ARHGAP28: variants seen among roughly 807,000 people sequenced by gnomAD.
ARHGAP28 encodes the protein rho GTPase-activating protein 28.
In ARHGAP28, 56 loss-of-function variants were observed where a neutral mutation model predicts 90.7. That is an observed-to-expected ratio of 0.62 (90% CI 0.50 to 0.77). The LOEUF is 0.77. Among genes scored for constraint, ARHGAP28 ranks in the 30% least tolerant of loss-of-function variants. The probability of loss-of-function intolerance (pLI) is 0.00; values close to 1 mark genes in which losing one functional copy is unlikely to be tolerated. For synonymous variants in ARHGAP28, 308 were observed against 323.3 expected (o/e 0.95, Z 0.51); for missense variants, 869 against 900.9 (o/e 0.96, Z 0.45).
At chr18:6,808,282 C>T (rs2056533240) in intron 1 of ARHGAP28, among the ~76,000 whole-genome samples, 1 of 151,980 alleles carries the variant, frequency 6.6e-6, no homozygotes, top group South Asian at 2.1e-4. Flanking sequence ...TATGTATAGA[C>T]ATTTCATCAT....
chr18:6,878,096 C>A (rs147092554), intron 10 of ARHGAP28, among the ~76,000 whole-genome samples: 104 of 152,148 alleles, frequency 6.8e-4, no homozygotes, highest in African/African-American at 2.1e-3. Context: ...CATTACAGAG[C>A]ATTGTCCAAC....
intron 10 of ARHGAP28, among the ~76,000 whole-genome samples, chr18:6,877,738 CGT>C (rs1477443920): frequency 1.3e-5 from 2 of 152,102 alleles, no homozygotes; most frequent in African/African-American, 2.4e-5. Context: ...CTCCGTTTCT[CGT>C]GTGTTTCGTT....
intron 1 of ARHGAP28, among the ~76,000 whole-genome samples, chr18:6,760,419 A>G (rs1306974963): frequency 1.3e-5 from 2 of 152,208 alleles, no homozygotes; most frequent in East Asian, 1.9e-4. Flanking sequence ...CACCAAGTAC[A>G]TTGTAAAATT....
chr18:6,788,199 C>T (rs2056379904), intron 1 of ARHGAP28, among the ~76,000 whole-genome samples: 1 of 151,922 alleles, frequency 6.6e-6, no homozygotes, highest in Non-Finnish European at 1.5e-5. Flanking sequence ...TGAGTGAGTT[C>T]TCGGGAGATC....
intron 14 of ARHGAP28, among the ~76,000 whole-genome samples, chr18:6,892,924 C>T (rs1246168776): frequency 6.6e-6 from 1 of 152,208 alleles, no homozygotes; most frequent in Non-Finnish European, 1.5e-5. Flanking sequence ...TGCACAGAAC[C>T]TGAGGATCAG....
intron 1 of ARHGAP28, 69 bp from the exon 2 acceptor site, chr18:6,824,693 T>C: frequency 3.8e-6 from 5 of 1,314,038 alleles, no homozygotes; most frequent in Non-Finnish European, 5.1e-6. Context: ...CTTAATTAAA[T>C]TTAATTTTGT....
At chr18:6,794,621 A>G (rs1038300688) in intron 1 of ARHGAP28, among the ~76,000 whole-genome samples, 1 of 152,030 alleles carries the variant, frequency 6.6e-6, no homozygotes, top group Non-Finnish European at 1.5e-5. Flanking sequence ...TTTATTTCTG[A>G]TCTTGCCTTT....
chr18:6,817,699 G>A (rs2143727777), intron 1 of ARHGAP28, among the ~76,000 whole-genome samples: 1 of 152,254 alleles, frequency 6.6e-6, no homozygotes. Context: ...TGGGCAAGGT[G>A]GCTGCTGCAG....
intron 3 of ARHGAP28, among the ~76,000 whole-genome samples, chr18:6,847,378 G>A (rs1273432488): frequency 6.6e-6 from 1 of 151,960 alleles, no homozygotes; most frequent in African/African-American, 2.4e-5. Flanking sequence ...TTCCAAACTA[G>A]AGGAAAAATA....
At chr18:6,761,783 C>G (rs1389766237) in intron 1 of ARHGAP28, among the ~76,000 whole-genome samples, 1 of 152,182 alleles carries the variant, frequency 6.6e-6, no homozygotes, top group African/African-American at 2.4e-5. Flanking sequence ...GACTCAATTC[C>G]TCTTTTAGCT....
At chr18:6,767,705 G>A (rs551095806) in intron 1 of ARHGAP28, among the ~76,000 whole-genome samples, 37 of 152,182 alleles carry the variant, frequency 2.4e-4, no homozygotes, top group South Asian at 6.2e-4. Flanking sequence ...TCTTCTGTAT[G>A]TAATATGTCT....
At chr18:6,838,285 T>C (rs2056769500) in intron 3 of ARHGAP28, among the ~76,000 whole-genome samples, 1 of 152,220 alleles carries the variant, frequency 6.6e-6, no homozygotes, top group Non-Finnish European at 1.5e-5. Flanking sequence ...ATCATTCTGA[T>C]TTAGGTTTCT....
chr18:6,875,773 G>A (rs1175857538), intron 9 of ARHGAP28, among the ~76,000 whole-genome samples: 1 of 152,178 alleles, frequency 6.6e-6, no homozygotes, highest in Non-Finnish European at 1.5e-5. Context: ...AGTAGATTTA[G>A]AATCTCTTGT....
intron 1 of ARHGAP28, among the ~76,000 whole-genome samples, chr18:6,776,534 G>A (rs1043332424): frequency 3.4e-4 from 52 of 152,188 alleles, no homozygotes; most frequent in African/African-American, 1.2e-3. Flanking sequence ...CAAGTGATCT[G>A]CCTGCCTCTG....
rs528353166 is a variant in ARHGAP28 at position 6,746,041 on chromosome 18, C to T, written c.122+16098C>T. Among the ~76,000 whole-genome samples the T allele has an allele frequency of 1.0e-3, 159 of 152,282 alleles. No individual in the cohort carries two copies. The Middle Eastern group carries it at 0.014, about 13-fold the overall frequency. The stretch of plus-strand genomic sequence containing the variant: ...TGGGATGTAAGCAAGTTTATTTTTG[C>T]GCCTGATCAATTTACTTTGGCTTCC... On this transcript the variant is annotated intron_variant, in intron 1 of 17. Coordinates refer to ENST00000383472, the MANE Select transcript of ARHGAP28 (RefSeq NM_001366230.1).
chr18:6,806,473 T>C (rs1056255916), intron 1 of ARHGAP28, among the ~76,000 whole-genome samples: 36 of 152,178 alleles, frequency 2.4e-4, no homozygotes, highest in Admixed American at 7.9e-4. Context: ...GATTGAAATA[T>C]ATATATATGC....
intron 1 of ARHGAP28, among the ~76,000 whole-genome samples, chr18:6,783,281 CTT>C (rs1318605644): frequency 6.6e-6 from 1 of 150,862 alleles, no homozygotes; most frequent in Non-Finnish European, 1.5e-5. Context: ...AGTCCAGACT[CTT>C]TGTGTTTTAA....
At chr18:6,877,799 C>T (rs932287032) in intron 10 of ARHGAP28, among the ~76,000 whole-genome samples, 1 of 152,160 alleles carries the variant, frequency 6.6e-6, no homozygotes, top group Admixed American at 6.5e-5. Context: ...GGATGAAAAC[C>T]ATTACTTATT....
chr18:6,750,367 A>T (rs935246442), intron 1 of ARHGAP28, among the ~76,000 whole-genome samples: 8 of 152,154 alleles, frequency 5.3e-5, no homozygotes, highest in Non-Finnish European at 8.8e-5. Context: ...AATACAGCTC[A>T]TGCCTCTTAG....
Sources: gnomAD v4.1 joint callset for allele counts (sites outside exome capture counted in the v4.1 genomes callset) on GRCh38, gnomAD v4.1.1 for gene constraint, MANE v1.5 for transcripts, NCBI Gene and HGNC (gene_info 2026-07-23, HGNC 2026-07-21) for gene names.